The following GRIK2 variants were observed in gnomAD, a reference collection of about 807,000 sequenced individuals.
The protein encoded by GRIK2 is glutamate receptor ionotropic, kainate 2.
GRIK2 carries 32 observed loss-of-function variants against 100.3 expected under a neutral mutation model. The ratio of observed to expected loss-of-function variants is 0.32; its 90% confidence interval spans 0.24 to 0.43. GRIK2 has a LOEUF of 0.43. GRIK2 is among the 20% of genes least tolerant of loss of function. The probability of loss-of-function intolerance (pLI) is 1.00; values close to 1 mark genes in which losing one functional copy is unlikely to be tolerated. For synonymous variants in GRIK2, 417 were observed against 389.4 expected (o/e 1.07, Z -0.83); for missense variants, 843 against 1,114.9 (o/e 0.76, Z 3.47).
chr6:102,061,915 T>TA (rs551608762), intron 16 of GRIK2, among the ~76,000 whole-genome samples: 5 of 150,272 alleles, frequency 3.3e-5, no homozygotes, highest in Admixed American at 6.7e-5. Context: ...ATGTAACTCT[T>TA]AAAAAAAATC....
At chr6:102,011,075 T>C (rs1223552252) in intron 14 of GRIK2, among the ~76,000 whole-genome samples, 1 of 152,138 alleles carries the variant, frequency 6.6e-6, no homozygotes, top group Non-Finnish European at 1.5e-5. Flanking sequence ...CTGGATTATA[T>C]GAGAAGAGTA....
intron 2 of GRIK2, among the ~76,000 whole-genome samples, chr6:101,407,104 T>G (rs1343431237): frequency 6.6e-6 from 1 of 152,088 alleles, no homozygotes; most frequent in Non-Finnish European, 1.5e-5. Context: ...TTCAGTATAT[T>G]CATAGCTATT....
chr6:101,891,742 A>T (rs774238542), intron 12 of GRIK2, among the ~76,000 whole-genome samples: 5 of 152,204 alleles, frequency 3.3e-5, no homozygotes, highest in Non-Finnish European at 4.4e-5. Flanking sequence ...GAGCTTATTA[A>T]AATTTTATGT....
chr6:101,889,696 C>A lies in GRIK2; in HGVS notation c.1581C>A (p.Ile527=). The change falls in exon 12 of 17, where the codon ATC becomes ATA. Residue 527 remains isoleucine (I), a synonymous_variant. Transcript: ENST00000369134. ...TTACCTATGTTCGAGAGAAGGTCAT[C>A]GACTTTTCCAAGCCCTTTATGACAC... is the stretch of plus-strand genomic sequence containing the variant. The part of the protein sequence containing the change: ...LAITYVREKV[I]DFSKPFMTLG... 6.2e-7 allele frequency: 1 copy of A among 1,610,962 alleles called. No individual in the cohort carries two copies. Among genetic ancestry groups the A allele is most frequent in the Non-Finnish European group, 8.5e-7 (1 of 1,179,174 alleles).
chr6:101,936,744 G>GCCAT (rs2128474334), intron 14 of GRIK2, among the ~76,000 whole-genome samples: 1 of 152,220 alleles, frequency 6.6e-6, no homozygotes, highest in African/African-American at 2.4e-5. Flanking sequence ...CCAAGTTAAA[G>GCCAT]CCATCAATGG....
At chr6:101,833,645 A>G (rs980494422) in intron 10 of GRIK2, among the ~76,000 whole-genome samples, 2 of 152,152 alleles carry the variant, frequency 1.3e-5, no homozygotes, top group Non-Finnish European at 2.9e-5. Flanking sequence ...TTGATAATCT[A>G]CAGAGATTGT....
intron 7 of GRIK2, among the ~76,000 whole-genome samples, chr6:101,773,736 C>G (rs950354971): frequency 1.3e-5 from 2 of 152,042 alleles, no homozygotes; most frequent in African/African-American, 4.8e-5. Flanking sequence ...TTTATTCTTA[C>G]AACAACTCTG....
intron 14 of GRIK2, among the ~76,000 whole-genome samples, chr6:101,988,126 TGTGTGTGCGCGCGCGC>T (rs1234440629): frequency 5.8e-5 from 1 of 17,220 alleles, no homozygotes; most frequent in Non-Finnish European, 1.3e-4. Context: ...TGTGTGTGTG[TGTGTGTGCGCGCGCGC>T]GCGCGCGCGC....
chr6:101,902,763 T>C (rs1445888349), intron 12 of GRIK2, among the ~76,000 whole-genome samples: 2 of 151,928 alleles, frequency 1.3e-5, no homozygotes, highest in African/African-American at 4.8e-5. Flanking sequence ...CTTAAAGGAA[T>C]AAAACTCTTT....
chr6:101,512,809 T>C (rs1446816341), intron 2 of GRIK2, among the ~76,000 whole-genome samples: 1 of 152,026 alleles, frequency 6.6e-6, no homozygotes, highest in Non-Finnish European at 1.5e-5. Flanking sequence ...TAAATGTCGT[T>C]TTCAAGAAAT....
At chr6:101,682,113 T>C (rs1042672789) in intron 5 of GRIK2, among the ~76,000 whole-genome samples, 32 of 152,352 alleles carry the variant, frequency 2.1e-4, no homozygotes, top group African/African-American at 7.2e-4. Context: ...GAAATGTCTC[T>C]AAAGAGCTAA....
At chr6:101,997,469 T>C (rs1478797637) in intron 14 of GRIK2, among the ~76,000 whole-genome samples, 1 of 152,100 alleles carries the variant, frequency 6.6e-6, no homozygotes, top group Non-Finnish European at 1.5e-5. Context: ...TCACTCAATG[T>C]GATTATTAAT....
chr6:102,037,630 A>G (rs1467935385), intron 15 of GRIK2, among the ~76,000 whole-genome samples: 2 of 151,336 alleles, frequency 1.3e-5, no homozygotes, highest in Non-Finnish European at 1.5e-5. Flanking sequence ...TAATTTTAAT[A>G]TACTATAAAT....
rs73763618 is a variant in GRIK2, at chr6:101,982,907, T to C, written c.2086-52434T>C. On this transcript the variant is annotated intron_variant, in intron 14 of 16. Coordinates refer to ENST00000369134, the MANE Select transcript of GRIK2 (RefSeq NM_021956.5). Reference sequence around the variant, plus strand: ...GCTCCTCTCTTTACTTCCACAAAGGTAAATCAGCTTCTTTCTATACTCTGA... The same window carrying C: ...GCTCCTCTCTTTACTTCCACAAAGGCAAATCAGCTTCTTTCTATACTCTGA... Among the ~76,000 whole-genome samples the C allele has an allele frequency of 9.7e-3, 1,465 of 151,808 alleles. 26 individuals are homozygous for C. Among genetic ancestry groups the C allele is most frequent in the African/African-American group, 0.034 (1,420 of 41,468 alleles).
At chr6:101,720,685 A>G (rs892009841) in intron 7 of GRIK2, among the ~76,000 whole-genome samples, 3 of 152,120 alleles carry the variant, frequency 2.0e-5, no homozygotes, top group East Asian at 1.9e-4. Context: ...GGAAATATCA[A>G]TTTTCAAATA....
intron 9 of GRIK2, among the ~76,000 whole-genome samples, chr6:101,804,822 C>T (rs868407264): frequency 1.6e-4 from 24 of 152,000 alleles, no homozygotes; most frequent in Middle Eastern, 6.8e-3. Context: ...AGCTAAAGGA[C>T]AGCGGTAAAG....
chr6:101,414,688 C>A (rs551330699), intron 2 of GRIK2, among the ~76,000 whole-genome samples: 1 of 152,262 alleles, frequency 6.6e-6, no homozygotes, highest in Admixed American at 6.5e-5. Flanking sequence ...GATACCCTCC[C>A]AGCAGCAGGA....
At chr6:101,749,924 TGCCTCA>T (rs1305887477) in intron 7 of GRIK2, among the ~76,000 whole-genome samples, 6 of 149,746 alleles carry the variant, frequency 4.0e-5, no homozygotes, top group African/African-American at 2.5e-5. Flanking sequence ...CTGATTCTCC[TGCCTCA>T]GCCTCCCAAG....
intron 7 of GRIK2, among the ~76,000 whole-genome samples, chr6:101,793,942 C>T (rs574021243): frequency 2.2e-3 from 331 of 152,230 alleles, no homozygotes; most frequent in Non-Finnish European, 3.5e-3. Context: ...GCCTCCCTGC[C>T]GCGTTGCAGT....
Sources: allele counts gnomAD v4.1 joint callset (sites outside exome capture counted in the v4.1 genomes callset), GRCh38; gene constraint gnomAD v4.1.1; transcripts MANE v1.5; gene names NCBI Gene and HGNC (gene_info 2026-07-23, HGNC 2026-07-21).